The following DACH1 variants were observed in gnomAD, a reference collection of about 807,000 sequenced individuals.
DACH1 encodes dachshund homolog 1.
DACH1 carries 12 observed loss-of-function variants against 54.2 expected under a neutral mutation model. The observed-to-expected ratio is 0.22, with a 90% CI of 0.14 to 0.36. The LOEUF is 0.36. DACH1 is among the 10% of genes least tolerant of loss of function. DACH1 has a pLI of 1.00. For synonymous variants in DACH1, 386 were observed against 366.2 expected (o/e 1.05, Z -0.62); for missense variants, 805 against 929.8 (o/e 0.87, Z 1.75).
chr13:71,705,799 G>A (rs1040850499), intron 1 of DACH1, among the ~76,000 whole-genome samples: 1 of 151,574 alleles, frequency 6.6e-6, no homozygotes, highest in African/African-American at 2.4e-5. Flanking sequence ...TCTCTTCTGA[G>A]CATGTCATGA....
chr13:71,580,135 T>C (rs1885767519), intron 3 of DACH1, among the ~76,000 whole-genome samples: 1 of 152,156 alleles, frequency 6.6e-6, no homozygotes, highest in Admixed American at 6.5e-5. Flanking sequence ...TAAAGGACAA[T>C]GTAGAAATGA....
chr13:71,849,682 T>A (rs1433056529), intron 1 of DACH1, among the ~76,000 whole-genome samples: 2 of 152,148 alleles, frequency 1.3e-5, no homozygotes. Flanking sequence ...AGCTAGACAC[T>A]AAGACCAGAG....
At chr13:71,745,179 T>C (rs1258941052) in intron 1 of DACH1, among the ~76,000 whole-genome samples, 1 of 152,212 alleles carries the variant, frequency 6.6e-6, no homozygotes, top group Non-Finnish European at 1.5e-5. Context: ...CTGTCTACTA[T>C]TTCTTTCCAC....
At chr13:71,640,984 G>GT (rs1037031111) in intron 2 of DACH1, among the ~76,000 whole-genome samples, 1 of 151,588 alleles carries the variant, frequency 6.6e-6, no homozygotes, top group African/African-American at 2.4e-5. Flanking sequence ...TGTCTCAGTT[G>GT]TTTTTTTCTT....
At chr13:71,683,851 C>G (rs546037261) in intron 1 of DACH1, among the ~76,000 whole-genome samples, 2 of 152,140 alleles carry the variant, frequency 1.3e-5, no homozygotes, top group South Asian at 4.1e-4. Context: ...TATCTTTCTC[C>G]TGGGATTCAG....
At chr13:71,847,542 C>T (rs984086805) in intron 1 of DACH1, among the ~76,000 whole-genome samples, 9 of 152,012 alleles carry the variant, frequency 5.9e-5, no homozygotes, top group Non-Finnish European at 1.2e-4. Context: ...GAAAAATCGC[C>T]GTATCATCTT....
At position 71,605,610 on chromosome 13, in the gene DACH1, T is replaced by A. The variant is rs1874819723; in HGVS notation, c.1126+24946A>T. 2.0e-5 allele frequency among the ~76,000 whole-genome samples: 3 copies of A among 152,032 alleles called. No individual in the cohort carries two copies. In the South Asian group the frequency reaches 6.2e-4, roughly 31 times the overall value. ...TATGCTTATATCATTTTTAAGCTTT[T>A]ATCAAAGAATGTTTTCAACAAAAAC... is the stretch of plus-strand genomic sequence containing the variant. On this transcript the variant is annotated intron_variant, in intron 3 of 10. Transcript: ENST00000613252.
At chr13:71,528,432 T>TC (rs1402946880) in intron 6 of DACH1, among the ~76,000 whole-genome samples, 1 of 144,532 alleles carries the variant, frequency 6.9e-6, no homozygotes, top group African/African-American at 2.5e-5. Flanking sequence ...TTTCTTTTTT[T>TC]TTTTTTTTTT....
intron 3 of DACH1, among the ~76,000 whole-genome samples, chr13:71,621,624 A>C (rs1330305370): frequency 6.6e-6 from 1 of 151,914 alleles, no homozygotes; most frequent in Non-Finnish European, 1.5e-5. Flanking sequence ...ATCATTTACC[A>C]CTCAGTTCTG....
chr13:71,687,470 C>T (rs943757545), intron 1 of DACH1, among the ~76,000 whole-genome samples: 2 of 151,814 alleles, frequency 1.3e-5, no homozygotes, highest in Non-Finnish European at 2.9e-5. Flanking sequence ...GCAATAAATA[C>T]ATAGAAAAAA....
At chr13:71,509,444 A>G (rs905018281) in intron 6 of DACH1, among the ~76,000 whole-genome samples, 3 of 152,168 alleles carry the variant, frequency 2.0e-5, no homozygotes, top group Admixed American at 6.6e-5. Context: ...GAATACAACT[A>G]GTGTGAGAAA....
chr13:71,795,918 G>A (rs1485813691), intron 1 of DACH1, among the ~76,000 whole-genome samples: 1 of 152,132 alleles, frequency 6.6e-6, no homozygotes, highest in East Asian at 1.9e-4. Flanking sequence ...AATGAATAAT[G>A]TATAGCAAGA....
chr13:71,619,965 T>C (rs1876097503), intron 3 of DACH1, among the ~76,000 whole-genome samples: 1 of 151,922 alleles, frequency 6.6e-6, no homozygotes, highest in Admixed American at 6.6e-5. Flanking sequence ...TATGTGAAAG[T>C]ACCAGAAGAA....
chr13:71,500,465 C>T (rs978540039), intron 6 of DACH1, among the ~76,000 whole-genome samples: 1 of 152,108 alleles, frequency 6.6e-6, no homozygotes, highest in Non-Finnish European at 1.5e-5. Context: ...CCCTGAAATA[C>T]ACACTAGCTC....
In DACH1 at chr13:71,730,013, A is replaced by T. The variant is rs868204626; in HGVS notation, c.849-48103T>A. ...ATATATGTATCATGTCTATAAAGAA[A>T]CATAAGATTAAAGACATTTTTTCAT... On this transcript the variant is annotated intron_variant, in intron 1 of 10. Transcript: ENST00000613252. Among the ~76,000 whole-genome samples the T allele has an allele frequency of 6.6e-5, 10 of 152,198 alleles. No individual in the cohort carries two copies. The Middle Eastern group carries it at 0.014, about 207-fold the overall frequency.
intron 3 of DACH1, among the ~76,000 whole-genome samples, chr13:71,618,313 A>ATCTT (rs1303038540): frequency 1.3e-5 from 2 of 152,042 alleles, no homozygotes; most frequent in African/African-American, 4.8e-5. Flanking sequence ...TATAGGACAC[A>ATCTT]TCTTTCTTAG....
intron 6 of DACH1, among the ~76,000 whole-genome samples, chr13:71,508,139 TG>T (rs1205047512): frequency 6.6e-6 from 1 of 152,202 alleles, no homozygotes; most frequent in Non-Finnish European, 1.5e-5. Flanking sequence ...AAGTGAACTG[TG>T]CCTCTGTCCA....
intron 1 of DACH1, among the ~76,000 whole-genome samples, chr13:71,831,381 GT>G (rs1888583702): frequency 6.6e-6 from 1 of 151,210 alleles, no homozygotes; most frequent in African/African-American, 2.4e-5. Context: ...ATAAATACAA[GT>G]TAAAAAAAAA....
chr13:71,499,631 C>T (rs1372947334), intron 6 of DACH1, among the ~76,000 whole-genome samples: 2 of 151,782 alleles, frequency 1.3e-5, no homozygotes, highest in Non-Finnish European at 2.9e-5. Flanking sequence ...TGCTATGAGG[C>T]TTTTTTTTCA....
Sources: gnomAD v4.1 joint callset for allele counts (sites outside exome capture counted in the v4.1 genomes callset) on GRCh38, gnomAD v4.1.1 for gene constraint, MANE v1.5 for transcripts, NCBI Gene and HGNC (gene_info 2026-07-23, HGNC 2026-07-21) for gene names.